KIAA1328: variants seen among roughly 807,000 people sequenced by gnomAD.
The protein encoded by KIAA1328 is protein hinderin.
KIAA1328 carries 52 observed loss-of-function variants against 68.1 expected under a neutral mutation model. The ratio of observed to expected loss-of-function variants is 0.76; its 90% CI spans 0.61 to 0.96. The LOEUF is 0.96. KIAA1328 is among the 40% of genes least tolerant of loss of function. The pLI, the probability that KIAA1328 is intolerant of heterozygous loss-of-function variation, is 0.00. For missense variants in KIAA1328, 641 were observed against 677.6 expected (o/e 0.95, Z 0.60); for synonymous variants, 232 against 239.4 (o/e 0.97, Z 0.28).
chr18:36,979,470 G>A (rs2052600582), intron 6 of KIAA1328, among the ~76,000 whole-genome samples: 1 of 152,060 alleles, frequency 6.6e-6, no homozygotes. Flanking sequence ...GAAGATAATA[G>A]GAAACAGATA....
chr18:36,949,615 C>T (rs906720999), intron 5 of KIAA1328, among the ~76,000 whole-genome samples: 15 of 120,668 alleles, frequency 1.2e-4, no homozygotes, highest in East Asian at 2.7e-4. Flanking sequence ...CCCCACCCCC[C>T]GATCTTGATT....
At chr18:37,037,933 C>T (rs889194856) in intron 6 of KIAA1328, among the ~76,000 whole-genome samples, 1 of 151,944 alleles carries the variant, frequency 6.6e-6, no homozygotes, top group African/African-American at 2.4e-5. Flanking sequence ...AGCCTGGTCT[C>T]TACTAAAAGT....
intron 7 of KIAA1328, among the ~76,000 whole-genome samples, chr18:37,143,849 C>T (rs892915496): frequency 6.6e-6 from 1 of 151,786 alleles, no homozygotes; most frequent in Admixed American, 6.6e-5. Context: ...GAATGTTAAG[C>T]CAATGTTATA....
intron 5 of KIAA1328, chr18:36,955,998 C>G (rs545389948): frequency 6.6e-6 from 1 of 152,098 alleles, no homozygotes; most frequent in Non-Finnish European, 1.5e-5. Context: ...ATCCTATCTC[C>G]GGCCCTTCCA....
At chr18:36,993,060 C>T (rs960376283) in intron 6 of KIAA1328, among the ~76,000 whole-genome samples, 4 of 151,970 alleles carry the variant, frequency 2.6e-5, no homozygotes, top group Non-Finnish European at 4.4e-5. Context: ...GAGCTGAGAT[C>T]GTAACACTGC....
At chr18:37,077,309 A>G (rs1568374472) in intron 7 of KIAA1328, among the ~76,000 whole-genome samples, 1 of 134,810 alleles carries the variant, frequency 7.4e-6, no homozygotes, top group Non-Finnish European at 1.5e-5. Context: ...AACTCAATAA[A>G]TTAGGTATTG....
At chr18:36,853,184 A>T (rs1332015227) in intron 4 of KIAA1328, among the ~76,000 whole-genome samples, 1 of 152,172 alleles carries the variant, frequency 6.6e-6, no homozygotes, top group Admixed American at 6.5e-5. Context: ...CTTTTGATTT[A>T]AAGTGATTAT....
chr18:36,898,417 C>G lies in KIAA1328; in HGVS notation c.448+12745C>G, dbSNP rs76420351. Among the ~76,000 whole-genome samples the G allele has an allele frequency of 5.2e-3, 787 of 151,926 alleles. 2 individuals are homozygous for G. Among genetic ancestry groups the G allele is most frequent in the Non-Finnish European group, 8.5e-3 (579 of 67,848 alleles). On this transcript the variant is annotated intron_variant, in intron 5 of 9. Transcript: ENST00000280020. ...AGTCAGCTAGGAATTGCTAAAGAGT[C>G]TTAGCATCATGTGTTCTGACAAGGC...
At chr18:37,179,330 C>T (rs924129512) in intron 9 of KIAA1328, among the ~76,000 whole-genome samples, 2 of 152,140 alleles carry the variant, frequency 1.3e-5, no homozygotes, top group African/African-American at 4.8e-5. Context: ...AAAGACTGTC[C>T]TTTTTCCATT....
At chr18:37,115,999 T>C (rs1158761372) in intron 7 of KIAA1328, among the ~76,000 whole-genome samples, 1 of 151,988 alleles carries the variant, frequency 6.6e-6, no homozygotes, top group Non-Finnish European at 1.5e-5. Flanking sequence ...CACTGCTCAA[T>C]GAAATAAAAG....
chr18:37,230,566 A>G (rs2060659926), downstream of KIAA1328: 1 of 152,320 alleles, frequency 6.6e-6, no homozygotes, highest in South Asian at 2.1e-4. Context: ...ATTCCTCAGA[A>G]TTCAGCATGG....
At chr18:36,903,120 A>G (rs1021117337) in intron 5 of KIAA1328, among the ~76,000 whole-genome samples, 1 of 152,074 alleles carries the variant, frequency 6.6e-6, no homozygotes, top group African/African-American at 2.4e-5. Context: ...GGAATATTTT[A>G]GAATAATATA....
chr18:36,965,560 G>A (rs1395260752), intron 6 of KIAA1328, among the ~76,000 whole-genome samples: 1 of 145,672 alleles, frequency 6.9e-6, no homozygotes, highest in Admixed American at 6.8e-5. Flanking sequence ...TAGTAGAGAC[G>A]GGGTTTCACC....
intron 8 of KIAA1328, among the ~76,000 whole-genome samples, chr18:37,167,824 A>G (rs1411116921): frequency 1.3e-5 from 2 of 152,070 alleles, no homozygotes; most frequent in African/African-American, 4.8e-5. Flanking sequence ...CACAGGCCCA[A>G]TGGTGGAACC....
chr18:37,004,752 A>G (rs1414090929), intron 6 of KIAA1328, among the ~76,000 whole-genome samples: 1 of 152,158 alleles, frequency 6.6e-6, no homozygotes, highest in Non-Finnish European at 1.5e-5. Flanking sequence ...ACTGCTAGGT[A>G]TCTACCCACA....
intron 7 of KIAA1328, among the ~76,000 whole-genome samples, chr18:37,135,324 A>G (rs948348347): frequency 6.6e-6 from 1 of 152,206 alleles, no homozygotes; most frequent in Non-Finnish European, 1.5e-5. Flanking sequence ...ATAGCAGTGT[A>G]TAAGTGTTCC....
chr18:36,846,027 A>G (rs2047016399), intron 4 of KIAA1328, among the ~76,000 whole-genome samples: 1 of 151,658 alleles, frequency 6.6e-6, no homozygotes, highest in African/African-American at 2.4e-5. Flanking sequence ...GTACAAGTAT[A>G]TGGGAATCAT....
intron 6 of KIAA1328, among the ~76,000 whole-genome samples, chr18:37,051,480 C>A (rs322631): frequency 0.73 from 111,322 of 151,966 alleles, 43,917 homozygotes; most frequent in South Asian, 0.89. Context: ...TGGAAACCCA[C>A]ACCCTCCCAA....
At chr18:37,181,855 T>C (rs2059704528) in intron 9 of KIAA1328, among the ~76,000 whole-genome samples, 1 of 152,188 alleles carries the variant, frequency 6.6e-6, no homozygotes. Flanking sequence ...CAATGTTATA[T>C]TCCATAATTT....
Sources: gnomAD v4.1 joint callset for allele counts (sites outside exome capture counted in the v4.1 genomes callset) on GRCh38, gnomAD v4.1.1 for gene constraint, MANE v1.5 for transcripts, NCBI Gene and HGNC (gene_info 2026-07-23, HGNC 2026-07-21) for gene names.